The following CCNB3 variants were observed in gnomAD, a reference collection of about 807,000 sequenced individuals.
CCNB3 encodes the protein cyclin B3.
In CCNB3, 12 loss-of-function variants were observed where a neutral mutation model predicts 68.0. That is an observed-to-expected ratio of 0.18 (90% confidence interval 0.11 to 0.29). The LOEUF (loss-of-function observed/expected upper bound fraction) is 0.29. Ranked by LOEUF, CCNB3 falls within the 10% of genes least tolerant of loss-of-function variation. CCNB3 has a pLI of 1.00. For synonymous variants in CCNB3, 354 were observed against 388.9 expected (o/e 0.91, Z 1.06); for missense variants, 904 against 993.1 (o/e 0.91, Z 1.21).
chrX:50,312,824 C>T (rs1224589592), intron 7 of CCNB3, among the ~76,000 whole-genome samples, 192 bp downstream of exon 7: 1 of 111,461 alleles, frequency 9.0e-6, no homozygotes, highest in African/African-American at 3.3e-5. Context: ...TTAATTCTCT[C>T]AGTAACTTCA....
At chrX:50,294,573 C>T (rs1250083217) in intron 4 of CCNB3, among the ~76,000 whole-genome samples, 1 of 111,463 alleles carries the variant, frequency 9.0e-6, no homozygotes, top group Admixed American at 9.5e-5. Flanking sequence ...GTAGGCCTGG[C>T]ATAGAGCACA....
intron 1 of CCNB3, among the ~76,000 whole-genome samples, chrX:50,207,963 T>C (rs1935399758): frequency 8.9e-6 from 1 of 111,769 alleles, no homozygotes; most frequent in African/African-American, 3.3e-5. Flanking sequence ...CTAATCTACT[T>C]TCTGTCTCTA....
intron 4 of CCNB3, among the ~76,000 whole-genome samples, chrX:50,289,715 G>A (rs138118226): frequency 3.6e-5 from 4 of 111,505 alleles, no homozygotes; most frequent in Middle Eastern, 4.7e-3. Context: ...ACCAATGTTG[G>A]TTTTGAAGTC....
At chrX:50,228,012 A>T (rs1224127541) in intron 1 of CCNB3, among the ~76,000 whole-genome samples, 3 of 84,859 alleles carry the variant, frequency 3.5e-5, no homozygotes, top group African/African-American at 4.5e-5. Context: ...AATATATATA[A>T]ATATATAGAG....
At chrX:50,226,934 G>GTA (rs1236084025) in intron 1 of CCNB3, among the ~76,000 whole-genome samples, 1 of 47,343 alleles carries the variant, frequency 2.1e-5, no homozygotes, top group Non-Finnish European at 3.6e-5. Flanking sequence ...AATATATATA[G>GTA]TATATATATA....
intron 5 of CCNB3, among the ~76,000 whole-genome samples, chrX:50,304,508 T>C (rs943966561): frequency 4.5e-5 from 5 of 111,780 alleles, no homozygotes; most frequent in South Asian, 3.8e-4. Context: ...TAATTCAAGA[T>C]GGATTAAAGA....
chrX:50,222,435 T>C (rs1935687390), intron 1 of CCNB3, among the ~76,000 whole-genome samples: 1 of 111,684 alleles, frequency 9.0e-6, no homozygotes, highest in African/African-American at 3.3e-5. Flanking sequence ...AGTGCTTCCT[T>C]CAGGAGCTCT....
chrX:50,340,558 T>G (rs1464253520), intron 8 of CCNB3, among the ~76,000 whole-genome samples: 1 of 112,568 alleles, frequency 8.9e-6, no homozygotes, highest in Non-Finnish European at 1.9e-5. Context: ...ACCAATAGAA[T>G]CTAGCTCACA....
chrX:50,337,814 A>T (rs1282439721), intron 8 of CCNB3, among the ~76,000 whole-genome samples: 1 of 111,899 alleles, frequency 8.9e-6, no homozygotes, highest in East Asian at 2.8e-4. Context: ...ACCAAACCAG[A>T]ATCAAAACCA....
intron 5 of CCNB3, among the ~76,000 whole-genome samples, chrX:50,297,621 T>C (rs2147040598): frequency 8.9e-6 from 1 of 112,267 alleles, no homozygotes; most frequent in Admixed American, 9.5e-5. Flanking sequence ...GGGCTCTTTT[T>C]TGGTTCCATA....
intron 1 of CCNB3, among the ~76,000 whole-genome samples, chrX:50,226,088 T>A (rs1359354922): frequency 1.3e-4 from 11 of 82,836 alleles, no homozygotes; most frequent in South Asian, 5.7e-4. Context: ...AGAATATATA[T>A]GAATATATAT....
At chrX:50,306,011 T>C (rs1387142919) in intron 5 of CCNB3, among the ~76,000 whole-genome samples, 1 of 103,547 alleles carries the variant, frequency 9.7e-6, no homozygotes, top group Non-Finnish European at 2.0e-5. Flanking sequence ...GGTCTCGAAC[T>C]CCTGACCTGA....
At position 50,328,544 on chromosome X, in the gene CCNB3, C is replaced by T. The variant is rs1029511519; in HGVS notation, c.3517-13658C>T. The stretch of plus-strand genomic sequence containing the variant: ...GGATCTGTCCTCATGACCCAAACAC[C>T]TCCCACCAGGCCCCACCTCCAACAC... On this transcript the variant is annotated intron_variant, in intron 8 of 12. Coordinates refer to ENST00000376042, the MANE Select transcript of CCNB3 (RefSeq NM_033031.3). Among the ~76,000 whole-genome samples the T allele has an allele frequency of 3.6e-5, 4 of 111,662 alleles. No individual in the cohort carries two copies. The Admixed American group carries it at 3.8e-4, about 11-fold the overall frequency.
intron 3 of CCNB3, among the ~76,000 whole-genome samples, chrX:50,287,978 C>T (rs192964589): frequency 1.8e-3 from 191 of 108,253 alleles, no homozygotes; most frequent in Non-Finnish European, 2.5e-3. Flanking sequence ...ACTGCTCATG[C>T]GAGGGATCAA....
intron 8 of CCNB3, among the ~76,000 whole-genome samples, chrX:50,339,179 A>G (rs868959041): frequency 8.9e-6 from 1 of 112,460 alleles, no homozygotes; most frequent in African/African-American, 3.2e-5. Flanking sequence ...TCCTGATGAC[A>G]TGTGCCCAAG....
At chrX:50,226,485 ATAG>A (rs1935810128) in intron 1 of CCNB3, among the ~76,000 whole-genome samples, 1 of 68,486 alleles carries the variant, frequency 1.5e-5, no homozygotes, top group East Asian at 4.4e-4. Context: ...ATAAATATAT[ATAG>A]AATATATAAA....
intron 1 of CCNB3, among the ~76,000 whole-genome samples, chrX:50,225,749 AG>A (rs1392568395): frequency 9.2e-6 from 1 of 108,716 alleles, no homozygotes; most frequent in East Asian, 2.9e-4. Context: ...AATTTCTGAA[AG>A]GGGGGATACT....
chrX:50,286,926 G>C (rs1298389755), intron 3 of CCNB3, among the ~76,000 whole-genome samples: 2 of 112,576 alleles, frequency 1.8e-5, no homozygotes, highest in Non-Finnish European at 3.8e-5. Context: ...GGGATTACAG[G>C]CGTGAGCCGC....
At chrX:50,344,172 T>A (rs189907427) in intron 9 of CCNB3, among the ~76,000 whole-genome samples, 4 of 112,495 alleles carry the variant, frequency 3.6e-5, no homozygotes, top group African/African-American at 9.7e-5. Flanking sequence ...GTGTGTAGCC[T>A]AGGAGCAATA....
Sources: gnomAD v4.1 joint callset for allele counts (sites outside exome capture counted in the v4.1 genomes callset) on GRCh38, gnomAD v4.1.1 for gene constraint, MANE v1.5 for transcripts, NCBI Gene and HGNC (gene_info 2026-07-23, HGNC 2026-07-21) for gene names.